Variants in ZNG1F observed in about 807,000 individuals in gnomAD.
ZNG1F encodes Zn regulated GTPase metalloprotein activator 1F, also known as zinc-regulated GTPase metalloprotein activator 1F.
chr9:41,132,577 G>T, the ZNG1F span: 8 of 1,352,050 alleles, frequency 5.9e-6, no homozygotes, highest in South Asian at 1.6e-5. Context: ...TTTTTTTTTT[G>T]AACAATCCCC....
At chr9:41,183,770 T>TTA in the ZNG1F span, 1 of 1,570,408 alleles carries the variant, frequency 6.4e-7, no homozygotes, top group African/African-American at 1.4e-5. Flanking sequence ...AAGCAGAAAC[T>TTA]TATATTTTAT....
the ZNG1F span, among the ~76,000 whole-genome samples, chr9:41,169,267 G>A: frequency 6.7e-6 from 1 of 150,208 alleles, no homozygotes; most frequent in African/African-American, 2.4e-5. Flanking sequence ...CTATTCAAAA[G>A]AACATTCTCC....
At chr9:41,148,619 TCCAAA>T in the ZNG1F span, among the ~76,000 whole-genome samples, 1 of 141,044 alleles carries the variant, frequency 7.1e-6, no homozygotes, top group South Asian at 2.6e-4. Context: ...AGCTTCAGTT[TCCAAA>T]CTGAGAAGGA....
chr9:41,132,184 T>C, the ZNG1F span: 2 of 1,592,280 alleles, frequency 1.3e-6, no homozygotes, highest in South Asian at 2.2e-5. Context: ...CTTTCAAATA[T>C]ATTTTTCACT....
the ZNG1F span, among the ~76,000 whole-genome samples, chr9:41,154,702 A>C: frequency 6.7e-6 from 1 of 149,388 alleles, no homozygotes; most frequent in African/African-American, 2.5e-5. Flanking sequence ...ATAATGCCGC[A>C]TATCTACAAC....
the ZNG1F span, among the ~76,000 whole-genome samples, chr9:41,155,053 C>G: frequency 1.3e-5 from 2 of 150,556 alleles, no homozygotes; most frequent in South Asian, 2.1e-4. Flanking sequence ...AAACTACCAT[C>G]AGAGTGAACA....
At chr9:41,148,075 GAACAAAC>G in the ZNG1F span, among the ~76,000 whole-genome samples, 1 of 142,398 alleles carries the variant, frequency 7.0e-6, no homozygotes, top group Non-Finnish European at 1.5e-5. Flanking sequence ...ATTTTTAAAT[GAACAAAC>G]CAAATTTATG....
At chr9:41,184,026 C>T in the ZNG1F span, among the ~76,000 whole-genome samples, 4,566 of 111,054 alleles carry the variant, frequency 0.041, no homozygotes, top group African/African-American at 0.065. Context: ...ATTCTGTATG[C>T]CCTTCAACCT....
chr9:41,158,687 G>GA, the ZNG1F span: 2 of 66,478 alleles, frequency 3.0e-5, no homozygotes, highest in East Asian at 7.0e-4. Context: ...CAAAAAAGAG[G>GA]AAAAGTGTAA....
the ZNG1F span, among the ~76,000 whole-genome samples, chr9:41,155,534 G>A: frequency 7.8e-5 from 10 of 128,982 alleles, no homozygotes; most frequent in South Asian, 2.8e-4. Context: ...ATATGCACAC[G>A]TATGTTTATT....
chr9:41,192,955 C>T, the ZNG1F span, among the ~76,000 whole-genome samples: 2 of 151,686 alleles, frequency 1.3e-5, no homozygotes, highest in African/African-American at 4.8e-5. Flanking sequence ...TAGGGTAAAA[C>T]AACAACAACA....
the ZNG1F span, chr9:41,132,150 C>T: frequency 6.5e-7 from 1 of 1,543,440 alleles, no homozygotes; most frequent in African/African-American, 1.4e-5. Context: ...AATGGTTAAT[C>T]TGTTTAAGTG....
At chr9:41,134,080 A>C in the ZNG1F span, 789 of 318,986 alleles carry the variant, frequency 2.5e-3, 11 homozygotes, top group Non-Finnish European at 3.6e-3. Context: ...CATACAATGT[A>C]CTCACTATAC....
chr9:41,148,812 G>GTA, the ZNG1F span, among the ~76,000 whole-genome samples: 1 of 126,806 alleles, frequency 7.9e-6, no homozygotes, highest in Non-Finnish European at 1.6e-5. Context: ...GTTACTGTAG[G>GTA]TATTGTTTTC....
the ZNG1F span, among the ~76,000 whole-genome samples, chr9:41,166,440 T>C: frequency 3.1e-5 from 1 of 31,754 alleles, no homozygotes; most frequent in Non-Finnish European, 8.7e-5. Flanking sequence ...ATAATTATTA[T>C]TATACATATA....
At chr9:41,173,996 C>A in the ZNG1F span, among the ~76,000 whole-genome samples, 1 of 148,874 alleles carries the variant, frequency 6.7e-6, no homozygotes, top group Admixed American at 6.8e-5. Flanking sequence ...CCAAGGCTGG[C>A]GGATCACCTG....
the ZNG1F span, among the ~76,000 whole-genome samples, chr9:41,184,525 T>C: frequency 6.7e-6 from 1 of 148,430 alleles, no homozygotes. Flanking sequence ...TTTGAAATGC[T>C]TGTTATCTAT....
the ZNG1F span, chr9:41,177,418 A>G: frequency 7.2e-6 from 1 of 139,216 alleles, no homozygotes; most frequent in Non-Finnish European, 1.5e-5. Flanking sequence ...AGATTAAAAA[A>G]AAAAAAGTGC....
the ZNG1F span, among the ~76,000 whole-genome samples, chr9:41,169,141 A>T: frequency 1.1e-4 from 16 of 150,550 alleles, 1 homozygote; most frequent in African/African-American, 3.9e-4. Flanking sequence ...ACAAACATTT[A>T]AAAAAATAAG....
Sources: gnomAD v4.1 joint callset for allele counts (sites outside exome capture counted in the v4.1 genomes callset) on GRCh38, gnomAD v4.1.1 for gene constraint, MANE v1.5 for transcripts, NCBI Gene and HGNC (gene_info 2026-07-23, HGNC 2026-07-21) for gene names.